CLIP2: variants seen among roughly 807,000 people sequenced by gnomAD.
The protein encoded by CLIP2 is CAP-Gly domain-containing linker protein 2.
In CLIP2, 41 loss-of-function variants were observed where a neutral mutation model predicts 111.7. That is an observed-to-expected ratio of 0.37 (90% CI 0.29 to 0.48). CLIP2 has a LOEUF of 0.48. Ranked by LOEUF, CLIP2 falls within the 20% of genes least tolerant of loss-of-function variation. The pLI is 0.99. For synonymous variants in CLIP2, 660 were observed against 644.2 expected (o/e 1.02, Z -0.37); for missense variants, 1,160 against 1,422.1 (o/e 0.82, Z 2.96).
intron 8 of CLIP2, 143 bp from the exon 9 acceptor site, chr7:74,372,789 A>C: frequency 8.2e-6 from 5 of 611,518 alleles, no homozygotes; most frequent in Non-Finnish European, 1.4e-5. Context: ...TCATGAATCT[A>C]CTCTCCTCGC....
chr7:74,324,039 G>A (rs974649626), intron 2 of CLIP2, among the ~76,000 whole-genome samples: 7 of 151,896 alleles, frequency 4.6e-5, no homozygotes, highest in South Asian at 2.1e-4. Flanking sequence ...TCGCTCTTTC[G>A]CCCAGGCTGG....
At chr7:74,397,563 G>C (rs1365503541) in intron 14 of CLIP2, among the ~76,000 whole-genome samples, 3 of 151,752 alleles carry the variant, frequency 2.0e-5, no homozygotes, top group African/African-American at 7.3e-5. Context: ...CCAGTTCCTT[G>C]CTCAGGGTCC....
At chr7:74,390,425 T>C (rs564753139) in intron 13 of CLIP2, among the ~76,000 whole-genome samples, 1 of 151,448 alleles carries the variant, frequency 6.6e-6, no homozygotes, top group Non-Finnish European at 1.5e-5. Context: ...ATCCCAGCAC[T>C]TTAGAAGGCT....
intron 1 of CLIP2, among the ~76,000 whole-genome samples, chr7:74,292,078 T>C (rs1788039561): frequency 1.3e-5 from 2 of 152,150 alleles, no homozygotes; most frequent in African/African-American, 2.4e-5. Context: ...TGTGCCACCA[T>C]GTCCGGCTAA....
intron 2 of CLIP2, among the ~76,000 whole-genome samples, chr7:74,325,475 G>A (rs1554730593): frequency 6.6e-6 from 1 of 152,128 alleles, no homozygotes; most frequent in Non-Finnish European, 1.5e-5. Context: ...TTCAAGTGAT[G>A]AGCAGGAGTC....
chr7:74,350,274 A>G (rs1228051795), intron 3 of CLIP2, among the ~76,000 whole-genome samples: 2 of 151,132 alleles, frequency 1.3e-5, no homozygotes, highest in Non-Finnish European at 3.0e-5. Context: ...CTGGTCTCAA[A>G]CTTCTGAGCT....
At chr7:74,354,040 G>A in intron 4 of CLIP2, 36 bp downstream of exon 4, 3 of 1,585,084 alleles carry the variant, frequency 1.9e-6, no homozygotes, top group Non-Finnish European at 1.7e-6. Flanking sequence ...ATGGGAGGGG[G>A]CTCCTCTCCC....
intron 9 of CLIP2, among the ~76,000 whole-genome samples, chr7:74,375,255 A>T (rs782244297): frequency 6.8e-5 from 8 of 117,532 alleles, no homozygotes; most frequent in African/African-American, 1.7e-4. Flanking sequence ...CGTCTCTTTT[A>T]AAAAAAAAAA....
At chr7:74,332,028 A>G (rs888844705) in intron 2 of CLIP2, among the ~76,000 whole-genome samples, 15 of 152,028 alleles carry the variant, frequency 9.9e-5, no homozygotes, top group Non-Finnish European at 2.2e-4. Flanking sequence ...CACCATGTAG[A>G]TCGGGGTCCC....
intron 3 of CLIP2, among the ~76,000 whole-genome samples, chr7:74,347,961 C>A (rs1310002179): frequency 6.6e-6 from 1 of 151,986 alleles, no homozygotes; most frequent in Admixed American, 6.6e-5. Context: ...GGGCGGATCA[C>A]TTGAGGTCAG....
intron 2 of CLIP2, among the ~76,000 whole-genome samples, chr7:74,337,948 G>C (rs1157220449): frequency 1.3e-5 from 2 of 152,122 alleles, no homozygotes; most frequent in African/African-American, 4.8e-5. Context: ...TGGAGGGCTG[G>C]AAGAGTAGGG....
chr7:74,397,275 C>A, intron 14 of CLIP2, 42 bp downstream of exon 14: 2 of 1,589,568 alleles, frequency 1.3e-6, no homozygotes, highest in South Asian at 1.1e-5. Context: ...GGCACTAGTC[C>A]GGGTGGGGCT....
In CLIP2 at chr7:74,376,346, C is replaced by A. The variant is rs1395259841; in HGVS notation, c.1945C>A (p.Leu649Met). The A allele has an allele frequency of 5.0e-6, 8 of 1,613,830 alleles. No individual in the cohort carries two copies. The highest frequency in any genetic ancestry group is 6.8e-6 in the Non-Finnish European group (8 of 1,180,028). Residue 649 changes from leucine (L) to methionine (M), a missense_variant, in exon 10 of 17, where the codon CTG becomes ATG. By Grantham distance (15) the Leu-to-Met change is conservative. This residue lies in a region of CLIP2 where 676 missense variants were observed against 777.8 expected (regional missense o/e 0.87). Transcript: ENST00000223398. The surrounding 1 kb of genome is among the most constrained non-coding windows in gnomAD (Gnocchi z 7.1). ...CGCCCAGCAGAAGGAGATCGGCGAG[C>A]TGAAGGCAGTGATGGAGGGCATCAA... ...PGAQQKEIGE[L>M]KAVMEGIKME... is the part of the protein sequence containing the mutation.
intron 2 of CLIP2, among the ~76,000 whole-genome samples, chr7:74,322,996 T>C (rs1205072923): frequency 1.3e-5 from 2 of 152,144 alleles, no homozygotes; most frequent in African/African-American, 4.8e-5. Flanking sequence ...TCCAAAGCGC[T>C]GGGATTACAG....
In CLIP2 at chr7:74,403,838, A is replaced by T. The variant is rs1178852228; in HGVS notation, c.3131A>T (p.Asp1044Val). ...GATGATGCCCTTTACTCTCTCTAGG[A>T]CAAGCACTGATCCTGAGGGGATACT... ...HQQDKAQKQE[D>V]KH Residue 1044 changes from aspartate (D) to valine (V), a missense_variant and splice_region_variant, in exon 17 of 17, where the codon GAC (aspartate) becomes GTC (valine). By Grantham distance (152) the Asp-to-Val change is radical (BLOSUM62 -3). Around this residue, in one of 5 missense-constraint regions of CLIP2, gnomAD observed 676 missense variants for 777.8 expected, o/e 0.87. Coordinates refer to ENST00000223398, the MANE Select transcript of CLIP2 (RefSeq NM_003388.5). 23 of 1,613,050 alleles carry T rather than the reference A, an allele frequency of 1.4e-5. No homozygotes were observed. Among genetic ancestry groups the T allele is most frequent in the Non-Finnish European group, 1.8e-5 (21 of 1,179,814 alleles).
rs561500819 is a variant in CLIP2 at position 74,298,211 on chromosome 7, A to G, written c.-68+8477A>G. On this transcript the variant is annotated intron_variant, in intron 1 of 16. Coordinates refer to ENST00000223398, the MANE Select transcript of CLIP2 (RefSeq NM_003388.5). ...ATTTATTTACTTTTTTTTGAGACAC[A>G]GTTTCACTCTGTTGCCCAGGCTGGA... Among the ~76,000 whole-genome samples, 6 of 151,892 alleles carry G rather than the reference A, an allele frequency of 4.0e-5. No homozygotes were observed. In the South Asian group the frequency reaches 1.2e-3, roughly 32 times the overall value.
chr7:74,336,860 G>GTTTTTTTTTTTTT (rs376463523), intron 2 of CLIP2, among the ~76,000 whole-genome samples: 2 of 140,584 alleles, frequency 1.4e-5, no homozygotes, highest in Admixed American at 7.1e-5. Context: ...TGTTTTTTTT[G>GTTTTTTTTTTTTT]TTTTTTTTTT....
intron 8 of CLIP2, among the ~76,000 whole-genome samples, chr7:74,364,629 C>T (rs1408687719): frequency 6.6e-6 from 1 of 152,126 alleles, no homozygotes; most frequent in Non-Finnish European, 1.5e-5. Context: ...TAGGCAATAG[C>T]CCTAAAGGTG....
At chr7:74,297,230 T>C (rs373105451) in intron 1 of CLIP2, among the ~76,000 whole-genome samples, 154 of 152,226 alleles carry the variant, frequency 1.0e-3, no homozygotes, top group African/African-American at 3.4e-3. Flanking sequence ...CCTAGCACTT[T>C]GGGAGGCCAA....
Sources: allele counts gnomAD v4.1 joint callset (sites outside exome capture counted in the v4.1 genomes callset), GRCh38; gene constraint gnomAD v4.1.1; regional missense constraint gnomAD v4.1.1; non-coding constraint Gnocchi (gnomAD v3.1); transcripts MANE v1.5; gene names NCBI Gene and HGNC (gene_info 2026-07-23, HGNC 2026-07-21).